Variants in MAST4 observed in about 807,000 individuals in gnomAD.
MAST4 encodes the protein microtubule associated serine/threonine kinase family member 4.
In MAST4, 89 loss-of-function variants were observed where a neutral mutation model predicts 162.7. That is an observed-to-expected ratio of 0.55 (90% CI 0.46 to 0.65). The LOEUF (loss-of-function observed/expected upper bound fraction) is 0.65. Ranked by LOEUF, MAST4 falls within the 30% of genes least tolerant of loss-of-function variation. The pLI is 0.00. For missense variants in MAST4, 3,153 were observed against 3,374.0 expected (o/e 0.93, Z 1.62); for synonymous variants, 1,479 against 1,361.1 (o/e 1.09, Z -1.91).
At chr5:67,055,362 T>C (rs1758670148) in intron 5 of MAST4, among the ~76,000 whole-genome samples, 1 of 152,162 alleles carries the variant, frequency 6.6e-6, no homozygotes, top group Non-Finnish European at 1.5e-5. Context: ...AAGAATGAGC[T>C]CTTAGCCCTA....
chr5:66,902,106 T>C (rs539398156), intron 4 of MAST4, among the ~76,000 whole-genome samples: 2 of 152,338 alleles, frequency 1.3e-5, no homozygotes, highest in South Asian at 4.1e-4. Flanking sequence ...GAAATCTTTT[T>C]ATATCTTCTC....
At chr5:66,785,461 C>T (rs924713521) in intron 2 of MAST4, among the ~76,000 whole-genome samples, 6 of 152,058 alleles carry the variant, frequency 3.9e-5, no homozygotes, top group Non-Finnish European at 5.9e-5. Flanking sequence ...ATGGGGCTTT[C>T]GAGTCAGAAT....
rs556784209 is a variant in MAST4 at position 66,811,076 on chromosome 5, G to A, written c.642+22282G>A. 2.6e-4 allele frequency among the ~76,000 whole-genome samples: 40 copies of A among 152,310 alleles called. 1 individual carries two copies. The highest frequency in any genetic ancestry group is 9.1e-4 in the African/African-American group (38 of 41,568). The stretch of plus-strand genomic sequence containing the variant: ...AGGGCCAGGCACGCACAGGAACCGG[G>A]CAGAGACTTGGAGGATCTGCCAGGC... On this transcript the variant is annotated intron_variant, in intron 3 of 28. Transcript: ENST00000403625.
chr5:67,041,569 A>G (rs748133704), intron 4 of MAST4, among the ~76,000 whole-genome samples: 5 of 152,250 alleles, frequency 3.3e-5, no homozygotes, highest in Non-Finnish European at 5.9e-5. Flanking sequence ...TGCCAGCACT[A>G]TCATAATTTC....
At position 66,696,357 on chromosome 5, in the gene MAST4, T is replaced by TAA. The variant is rs533804688; in HGVS notation, c.364-63340_364-63339dup. On this transcript the variant is annotated intron_variant, in intron 1 of 28. Coordinates refer to ENST00000403625, the MANE Select transcript of MAST4 (RefSeq NM_001164664.2). Reference sequence around the variant, plus strand: ...GTCTTCCACGTGTATCCCAGAACTTTAAAAAAAAAAAAATCTGTACTCATT... The same window carrying TAA: ...GTCTTCCACGTGTATCCCAGAACTTTAAAAAAAAAAAAAAATCTGTACTCATT... 5.0e-4 allele frequency among the ~76,000 whole-genome samples: 73 copies of TAA among 145,972 alleles called. No individual in the cohort carries two copies. The South Asian group carries it at 5.2e-3, about 10-fold the overall frequency.
At chr5:66,878,126 T>C (rs186333979) in intron 3 of MAST4, among the ~76,000 whole-genome samples, 265 of 152,280 alleles carry the variant, frequency 1.7e-3, no homozygotes, top group African/African-American at 6.1e-3. Context: ...TAGACATAAA[T>C]AAATAGATAA....
intron 4 of MAST4, among the ~76,000 whole-genome samples, chr5:67,024,194 A>G (rs986986792): frequency 6.6e-6 from 1 of 151,452 alleles, no homozygotes; most frequent in Non-Finnish European, 1.5e-5. Context: ...ACTTAGCACA[A>G]TGTCCTCAAG....
intron 3 of MAST4, among the ~76,000 whole-genome samples, chr5:66,794,639 C>T (rs1755563664): frequency 6.6e-6 from 1 of 152,086 alleles, no homozygotes; most frequent in Admixed American, 6.6e-5. Flanking sequence ...TCTTTCTTAT[C>T]TTTACTCAAA....
chr5:67,144,555 A>G (rs1770828034), intron 21 of MAST4, 114 bp from the exon 22 acceptor site: 4 of 1,083,176 alleles, frequency 3.7e-6, no homozygotes, highest in Non-Finnish European at 5.4e-6. Flanking sequence ...CTGAATACAC[A>G]ATATTAGTTC....
chr5:67,165,568 C>T lies in MAST4; in HGVS notation c.6389C>T (p.Pro2130Leu). ...AAGGAGCAGCCTCTACAAAGGCATC[C>T]CAGCAGCATCCCTCCGCCCCCTCTG... is the stretch of plus-strand genomic sequence containing the variant. ...ERKEQPLQRH[P>L]SSIPPPPLTA... is the part of the protein sequence containing the mutation. The change falls in exon 29 of 29, where the codon CCC becomes CTC. Residue 2130 changes from proline to leucine, a missense_variant. Coordinates refer to ENST00000403625, the MANE Select transcript of MAST4 (RefSeq NM_001164664.2). The T allele has an allele frequency of 6.2e-7, 1 of 1,613,906 alleles. No homozygotes were observed. Among genetic ancestry groups the T allele is most frequent in the Non-Finnish European group, 8.5e-7 (1 of 1,179,842 alleles).
Position 67,125,584 on chromosome 5 carries a change from A to C in MAST4, c.1745+4482A>C, listed in dbSNP as rs530502550. Among the ~76,000 whole-genome samples, 7 of 152,202 alleles carry C rather than the reference A, an allele frequency of 4.6e-5. No individual in the cohort carries two copies. The South Asian group carries it at 6.2e-4, about 14-fold the overall frequency. On this transcript the variant is annotated intron_variant, in intron 14 of 28. Transcript: ENST00000403625. Reference sequence around the variant, plus strand: ...ATGTCCCTGTAAAGGACGTGAACTCATTCCTTTATATGGCTACATAGTATT... The same window carrying C: ...ATGTCCCTGTAAAGGACGTGAACTCCTTCCTTTATATGGCTACATAGTATT...
intron 1 of MAST4, among the ~76,000 whole-genome samples, chr5:66,634,659 G>C (rs752903142): frequency 6.6e-6 from 1 of 152,178 alleles, no homozygotes; most frequent in African/African-American, 2.4e-5. Flanking sequence ...AATCATAATA[G>C]GCACTCAGTG....
chr5:66,731,650 A>C (rs1751866071), intron 1 of MAST4, among the ~76,000 whole-genome samples: 2 of 151,866 alleles, frequency 1.3e-5, no homozygotes. Context: ...ATAGTCTTCT[A>C]GCTATCCTCC....
At chr5:66,877,294 T>C (rs2149892601) in intron 3 of MAST4, among the ~76,000 whole-genome samples, 1 of 152,342 alleles carries the variant, frequency 6.6e-6, no homozygotes, top group African/African-American at 2.4e-5. Flanking sequence ...GGATAGCTAA[T>C]ACTGACACAG....
chr5:66,968,924 CG>C (rs1747085278), intron 4 of MAST4, among the ~76,000 whole-genome samples: 2 of 144,242 alleles, frequency 1.4e-5, no homozygotes, highest in South Asian at 4.3e-4. Context: ...AGATTACACA[CG>C]GAAGAGGATA....
chr5:66,716,645 G>C (rs1343149489), intron 1 of MAST4, among the ~76,000 whole-genome samples: 1 of 151,904 alleles, frequency 6.6e-6, no homozygotes, highest in African/African-American at 2.4e-5. Context: ...ATAGGCATGA[G>C]CCATTGTGCC....
chr5:66,631,642 G>A (rs1239712714), intron 1 of MAST4, among the ~76,000 whole-genome samples: 2 of 152,112 alleles, frequency 1.3e-5, no homozygotes, highest in Non-Finnish European at 2.9e-5. Flanking sequence ...TGGACGTAAA[G>A]CTCTTGGTGA....
intron 4 of MAST4, among the ~76,000 whole-genome samples, chr5:67,030,916 AT>A: frequency 6.6e-6 from 1 of 152,130 alleles, no homozygotes; most frequent in East Asian, 1.9e-4. Context: ...TTATGGTGAA[AT>A]TTTTTTCCTG....
At chr5:66,898,890 G>C (rs1762842755) in intron 3 of MAST4, among the ~76,000 whole-genome samples, 1 of 152,180 alleles carries the variant, frequency 6.6e-6, no homozygotes, top group Non-Finnish European at 1.5e-5. Flanking sequence ...AGTAAGTTGT[G>C]CTGTGGAAAA....
Sources: gnomAD v4.1 joint callset for allele counts (sites outside exome capture counted in the v4.1 genomes callset) on GRCh38, gnomAD v4.1.1 for gene constraint, MANE v1.5 for transcripts, NCBI Gene and HGNC (gene_info 2026-07-23, HGNC 2026-07-21) for gene names.